The following CDK7 variants were observed in gnomAD, a reference collection of about 807,000 sequenced individuals.
The protein encoded by CDK7 is cyclin dependent kinase 7.
In CDK7, 25 loss-of-function variants were observed where a neutral mutation model predicts 49.1. The ratio of observed to expected loss-of-function variants is 0.51; its 90% CI spans 0.37 to 0.71. The LOEUF is 0.71. Ranked by LOEUF, CDK7 falls within the 30% of genes least tolerant of loss-of-function variation. The pLI, the probability that CDK7 is intolerant of heterozygous loss-of-function variation, is 0.00. For missense variants in CDK7, 316 were observed against 411.7 expected, an observed-to-expected ratio of 0.77 and a Z score of 2.01; for synonymous variants, 107 against 140.0, an observed-to-expected ratio of 0.76 and a Z score of 1.67.
At chr5:69,260,737 T>C (rs536036868) in intron 7 of CDK7, among the ~76,000 whole-genome samples, 1 of 152,364 alleles carries the variant, frequency 6.6e-6, no homozygotes, top group Non-Finnish European at 1.5e-5. Flanking sequence ...GAATGATAGA[T>C]TTTATAATTT....
At chr5:69,259,056 A>G (rs1300674776) in intron 6 of CDK7, among the ~76,000 whole-genome samples, 1 of 151,576 alleles carries the variant, frequency 6.6e-6, no homozygotes, top group Non-Finnish European at 1.5e-5. Flanking sequence ...AGTCTGGGTG[A>G]CAGAGTGAAA....
At chr5:69,256,896 T>C (rs1336095533) in intron 5 of CDK7, among the ~76,000 whole-genome samples, 22 of 152,092 alleles carry the variant, frequency 1.4e-4, no homozygotes, top group Admixed American at 1.4e-3. Flanking sequence ...TATGCCAGAA[T>C]TCAGTTGGTA....
rs1310051627 is a variant in CDK7 at position 69,277,072 on chromosome 5, C to T, written c.1013-35C>T. 1.9e-6 allele frequency: 3 copies of T among 1,555,978 alleles called. No homozygotes were observed. The African/African-American group carries it at 4.1e-5, about 21-fold the overall frequency. Reference sequence around the variant, plus strand: ...GAATGTGAACTTTGTTAAATGTGAACAACTTTTTTTTTTCTTGTTCTTTTT... The same window carrying T: ...GAATGTGAACTTTGTTAAATGTGAATAACTTTTTTTTTTCTTGTTCTTTTT... On this transcript the variant is annotated intron_variant, in intron 11 of 11. Coordinates refer to ENST00000256443, the MANE Select transcript of CDK7 (RefSeq NM_001799.4).
chr5:69,256,636 C>T (rs1480895262), intron 5 of CDK7, among the ~76,000 whole-genome samples: 4 of 152,082 alleles, frequency 2.6e-5, no homozygotes, highest in Non-Finnish European at 5.9e-5. Flanking sequence ...CCACCATGCC[C>T]GGCCTCTTTC....
chr5:69,264,088 A>G (rs1455069801), intron 8 of CDK7, among the ~76,000 whole-genome samples: 1 of 152,230 alleles, frequency 6.6e-6, no homozygotes, highest in Non-Finnish European at 1.5e-5. Flanking sequence ...ATCTTCAGAT[A>G]GTAATGAATA....
intron 2 of CDK7, among the ~76,000 whole-genome samples, chr5:69,237,648 T>TAC (rs1308240982): frequency 7.2e-5 from 11 of 152,190 alleles, no homozygotes; most frequent in Non-Finnish European, 1.6e-4. Flanking sequence ...GTAGACACTG[T>TAC]TAAAAATGTA....
At chr5:69,273,098 A>G in intron 10 of CDK7, 57 bp downstream of exon 10, 1 of 1,159,626 alleles carries the variant, frequency 8.6e-7, no homozygotes, top group Non-Finnish European at 1.2e-6. Flanking sequence ...TAACTGTAGC[A>G]TTGATAAAAA....
chr5:69,276,447 TA>T, intron 10 of CDK7, 95 bp from the exon 11 acceptor site: 1 of 1,081,392 alleles, frequency 9.2e-7, no homozygotes, highest in South Asian at 1.4e-5. Flanking sequence ...ATTCACATAG[TA>T]TTTTTAATGC....
At position 69,243,970 on chromosome 5, in the gene CDK7, T is replaced by C. The variant is rs560985856; in HGVS notation, c.127-8448T>C. 2.0e-4 allele frequency among the ~76,000 whole-genome samples: 31 copies of C among 151,694 alleles called. No homozygotes were observed. The South Asian group carries it at 6.1e-3, about 30-fold the overall frequency. On this transcript the variant is annotated intron_variant, in intron 2 of 11. Coordinates refer to ENST00000256443, the MANE Select transcript of CDK7 (RefSeq NM_001799.4). ...GCCTCAGCTTCCTGAGTACCTGGGA[T>C]TACAGGCGCATACCACCACAGCTGG...
At position 69,276,619 on chromosome 5, in the gene CDK7, T is replaced by G. The variant is rs1193866096; in HGVS notation, c.941T>G (p.Val314Gly). The change falls in exon 11 of 12, where the codon GTG becomes GGG. Residue 314 changes from valine (V) to glycine (G), a missense_variant. Coordinates refer to ENST00000256443, the MANE Select transcript of CDK7 (RefSeq NM_001799.4). ...CAGCTGCCAAGACCAAACTGTCCAG[T>G]GGAAACCTTAAAGGAGCAATCAAAT... ...GCQLPRPNCP[V>G]ETLKEQSNPA... 6.2e-7 allele frequency: 1 copy of G among 1,613,988 alleles called. No homozygotes were observed. Among genetic ancestry groups the G allele is most frequent in the Non-Finnish European group, 8.5e-7 (1 of 1,180,002 alleles).
intron 2 of CDK7, among the ~76,000 whole-genome samples, chr5:69,235,940 A>T (rs1460174612): frequency 6.6e-6 from 1 of 152,200 alleles, no homozygotes; most frequent in African/African-American, 2.4e-5. Context: ...TCTTATATTC[A>T]TTCAAAAGAC....
chr5:69,265,305 A>T (rs919240194), intron 8 of CDK7, among the ~76,000 whole-genome samples: 3 of 152,228 alleles, frequency 2.0e-5, no homozygotes, highest in East Asian at 1.9e-4. Flanking sequence ...TGAAAATTAC[A>T]AAGAAAACTT....
chr5:69,238,360 C>G (rs1225067960), intron 2 of CDK7, among the ~76,000 whole-genome samples: 1 of 149,488 alleles, frequency 6.7e-6, no homozygotes, highest in Non-Finnish European at 1.5e-5. Context: ...TCATAGCTCA[C>G]TGAAGCCTTG....
At chr5:69,241,307 G>GTTTTTTTTTTTTTTTTTTT (rs1749355577) in intron 2 of CDK7, among the ~76,000 whole-genome samples, 1 of 112,944 alleles carries the variant, frequency 8.9e-6, no homozygotes. Flanking sequence ...CTCATTGTAG[G>GTTTTTTTTTTTTTTTTTTT]TTTTTTCTTT....
rs188581909 is a variant in CDK7, at chr5:69,274,546, G to T, written c.864+1505G>T. 2.4e-3 allele frequency among the ~76,000 whole-genome samples: 359 copies of T among 152,254 alleles called. 1 individual carries two copies. The highest frequency in any genetic ancestry group is 3.4e-3 in the Non-Finnish European group (233 of 68,018). On this transcript the variant is annotated intron_variant, in intron 10 of 11. Coordinates refer to ENST00000256443, the MANE Select transcript of CDK7 (RefSeq NM_001799.4). The stretch of plus-strand genomic sequence containing the variant: ...CTCTAAATTACTGCAAATAATATTG[G>T]GAGTGGTGAGGAATGCTTGCAAAGT...
chr5:69,244,636 C>T (rs1313386124), intron 2 of CDK7, among the ~76,000 whole-genome samples: 1 of 94,890 alleles, frequency 1.1e-5, no homozygotes, highest in Admixed American at 1.2e-4. Flanking sequence ...AACTCCGTCT[C>T]AAAAAAAAAA....
chr5:69,238,814 G>A lies in CDK7; in HGVS notation c.126+3361G>A, dbSNP rs112367835. On this transcript the variant is annotated intron_variant, in intron 2 of 11. Coordinates refer to ENST00000256443, the MANE Select transcript of CDK7 (RefSeq NM_001799.4). The stretch of plus-strand genomic sequence containing the variant: ...TGACCTCAACTGATCTGCCCACCTC[G>A]GCCTCCCAAAGTGCTGAGATTACAG... 4.4e-4 allele frequency among the ~76,000 whole-genome samples: 66 copies of A among 148,554 alleles called. 2 individuals carry two copies. Among genetic ancestry groups the A allele is most frequent in the African/African-American group, 6.2e-4 (25 of 40,396 alleles).
intron 2 of CDK7, 120 bp from the exon 3 acceptor site, chr5:69,252,298 T>C (rs1750194012): frequency 7.2e-6 from 5 of 691,586 alleles, no homozygotes; most frequent in Non-Finnish European, 7.7e-6. Context: ...TAGGTACATA[T>C]TGGTTGCTAA....
chr5:69,273,392 CAAATTCATTT>C (rs1170409971), intron 10 of CDK7, among the ~76,000 whole-genome samples: 1 of 152,138 alleles, frequency 6.6e-6, no homozygotes, highest in Non-Finnish European at 1.5e-5. Context: ...TGAGCTCTTA[CAAATTCATTT>C]AAATCTTGTA....
Sources: gnomAD v4.1 joint callset for allele counts (sites outside exome capture counted in the v4.1 genomes callset) on GRCh38, gnomAD v4.1.1 for gene constraint, MANE v1.5 for transcripts, NCBI Gene and HGNC (gene_info 2026-07-23, HGNC 2026-07-21) for gene names.